Variants in NPAS3 observed in about 807,000 individuals in gnomAD.
NPAS3 encodes neuronal PAS domain-containing protein 3.
In NPAS3, 14 loss-of-function variants were observed where a neutral mutation model predicts 73.1. That is an observed-to-expected ratio of 0.19 (90% CI 0.13 to 0.30). NPAS3 has a LOEUF of 0.30. Ranked by LOEUF, NPAS3 falls within the 10% of genes least tolerant of loss-of-function variation. The probability of loss-of-function intolerance (pLI) is 1.00; values close to 1 mark genes in which losing one functional copy is unlikely to be tolerated. For synonymous variants in NPAS3, 620 were observed against 541.5 expected, an observed-to-expected ratio of 1.14 and a Z score of -2.01; for missense variants, 1,096 against 1,250.0, an observed-to-expected ratio of 0.88 and a Z score of 1.86.
intron 3 of NPAS3, among the ~76,000 whole-genome samples, chr14:33,278,516 A>AAT (rs397736974): frequency 5.3e-5 from 8 of 151,818 alleles, no homozygotes; most frequent in African/African-American, 1.9e-4. Flanking sequence ...AAAAAAAAAA[A>AAT]GTATCTCAAG....
At chr14:32,975,473 A>G (rs548735007) in intron 1 of NPAS3, among the ~76,000 whole-genome samples, 1 of 152,312 alleles carries the variant, frequency 6.6e-6, no homozygotes, top group South Asian at 2.1e-4. Context: ...ACAGATGTGA[A>G]CTACTGTGCC....
chr14:33,181,103 A>C (rs1365699496), intron 2 of NPAS3, among the ~76,000 whole-genome samples: 1 of 152,136 alleles, frequency 6.6e-6, no homozygotes, highest in Non-Finnish European at 1.5e-5. Context: ...GAATGAGGAG[A>C]GATACCATTG....
chr14:33,608,415 T>C (rs1476017676), intron 5 of NPAS3: 1 of 152,218 alleles, frequency 6.6e-6, no homozygotes, highest in Non-Finnish European at 1.5e-5. Context: ...AGGATGTTTC[T>C]GAAATGCAGA....
chr14:33,026,875 CT>C (rs1274877628), intron 1 of NPAS3, among the ~76,000 whole-genome samples: 2 of 152,188 alleles, frequency 1.3e-5, no homozygotes, highest in African/African-American at 4.8e-5. Flanking sequence ...TCCTTCCCCC[CT>C]ACACCCCTTT....
intron 2 of NPAS3, among the ~76,000 whole-genome samples, chr14:33,205,211 C>A (rs1304456559): frequency 1.3e-5 from 2 of 152,088 alleles, no homozygotes; most frequent in African/African-American, 4.8e-5. Context: ...ATTGTATGAT[C>A]TCAACACATG....
chr14:33,722,471 A>T (rs987069951), intron 6 of NPAS3, among the ~76,000 whole-genome samples: 6 of 152,176 alleles, frequency 3.9e-5, no homozygotes, highest in Non-Finnish European at 2.9e-5. Flanking sequence ...CTTGAAGAAA[A>T]TATACAAATG....
intron 1 of NPAS3, among the ~76,000 whole-genome samples, chr14:32,967,418 T>C (rs1464559971): frequency 2.6e-5 from 4 of 152,164 alleles, no homozygotes; most frequent in Admixed American, 1.3e-4. Flanking sequence ...ATACACAGAT[T>C]TTCAACTTTG....
At chr14:32,959,439 T>C (rs977253907) in intron 1 of NPAS3, among the ~76,000 whole-genome samples, 2 of 152,266 alleles carry the variant, frequency 1.3e-5, no homozygotes, top group Non-Finnish European at 2.9e-5. Context: ...GAGTCTAATG[T>C]TATTAAAGTT....
chr14:33,799,201 G>A (rs1366671313), intron 11 of NPAS3, among the ~76,000 whole-genome samples: 1 of 152,128 alleles, frequency 6.6e-6, no homozygotes, highest in Non-Finnish European at 1.5e-5. Context: ...ATGGTGGTAA[G>A]TGCTGTGGGG....
chr14:33,219,259 G>A (rs190785623), intron 3 of NPAS3, among the ~76,000 whole-genome samples: 1 of 152,194 alleles, frequency 6.6e-6, no homozygotes, highest in Admixed American at 6.5e-5. Flanking sequence ...TAAAGCAATA[G>A]CCACTGATTT....
chr14:33,180,815 A>C (rs1328486965), intron 2 of NPAS3, among the ~76,000 whole-genome samples: 3 of 151,260 alleles, frequency 2.0e-5, no homozygotes, highest in African/African-American at 7.3e-5. Flanking sequence ...AAAAAAAAAA[A>C]AAAAAAAAAA....
chr14:33,764,786 G>A (rs1387386055), intron 7 of NPAS3, among the ~76,000 whole-genome samples: 1 of 152,212 alleles, frequency 6.6e-6, no homozygotes, highest in Non-Finnish European at 1.5e-5. Context: ...ATGGGCCTCT[G>A]TCCTTCTCTA....
At chr14:33,457,609 AT>A (rs1266890113) in intron 4 of NPAS3, among the ~76,000 whole-genome samples, 1 of 152,044 alleles carries the variant, frequency 6.6e-6, no homozygotes, top group Admixed American at 6.5e-5. Flanking sequence ...TTCCCATCAG[AT>A]TTTAGCAAGG....
At chr14:33,639,210 A>G (rs544876644) in intron 5 of NPAS3, among the ~76,000 whole-genome samples, 1 of 152,354 alleles carries the variant, frequency 6.6e-6, no homozygotes, top group East Asian at 1.9e-4. Flanking sequence ...AGCTAATAGT[A>G]TAAGAGCAAA....
chr14:33,109,810 C>CTTT (rs67439887), intron 2 of NPAS3, among the ~76,000 whole-genome samples: 7,754 of 86,910 alleles, frequency 0.089, 874 homozygotes, highest in East Asian at 0.3. Context: ...ATTTGCATGT[C>CTTT]TTTTTTTTTT....
chr14:33,501,047 A>T (rs1363302276), intron 4 of NPAS3, among the ~76,000 whole-genome samples: 3 of 152,054 alleles, frequency 2.0e-5, no homozygotes, highest in Non-Finnish European at 4.4e-5. Flanking sequence ...ATTTACATCA[A>T]GAGAAATTAT....
chr14:32,963,765 G>A (rs2037030076), intron 1 of NPAS3, among the ~76,000 whole-genome samples: 1 of 151,998 alleles, frequency 6.6e-6, no homozygotes, highest in Admixed American at 6.6e-5. Context: ...ATTCAATTAG[G>A]TAATGCATTG....
intron 5 of NPAS3, among the ~76,000 whole-genome samples, chr14:33,589,391 C>A (rs1035427490): frequency 2.0e-5 from 3 of 152,112 alleles, no homozygotes; most frequent in Admixed American, 1.3e-4. Flanking sequence ...AAAAAAGCAC[C>A]TCCCTTCAGA....
rs1052707368 is a variant in NPAS3, at chr14:33,252,616, T to G, written c.385+37190T>G. Among the ~76,000 whole-genome samples the G allele has an allele frequency of 4.0e-5, 6 of 151,594 alleles. No individual in the cohort carries two copies. The East Asian group carries it at 9.7e-4, about 24-fold the overall frequency. On this transcript the variant is annotated intron_variant, in intron 3 of 11. Transcript: ENST00000356141. ...CTTTTCATTACTATTACATATGTTA[T>G]TTGATTTCTGAAAATAGTTATCTAT... is the stretch of plus-strand genomic sequence containing the variant.
Sources: allele counts gnomAD v4.1 joint callset (sites outside exome capture counted in the v4.1 genomes callset), GRCh38; gene constraint gnomAD v4.1.1; transcripts MANE v1.5; gene names NCBI Gene and HGNC (gene_info 2026-07-23, HGNC 2026-07-21).